The following BBS5 variants were observed in gnomAD, a reference collection of about 807,000 sequenced individuals.
BBS5 encodes the protein Bardet-Biedl syndrome 5, also known as BBSome complex member BBS5.
A neutral mutation model predicts 50.2 loss-of-function variants in BBS5; 39 were observed. The observed-to-expected ratio is 0.78, with a 90% CI of 0.60 to 1.01. BBS5 has a LOEUF of 1.01. BBS5 is among the 50% of genes least tolerant of loss of function. BBS5 has a pLI of 0.00. For missense variants in BBS5, 356 were observed against 401.5 expected (o/e 0.89, Z 0.97); for synonymous variants, 134 against 133.1 (o/e 1.01, Z -0.05).
rs772757329 is a variant in BBS5 at position 169,487,993 on chromosome 2, C to G, written c.265C>G (p.Arg89Gly). The change falls in exon 5 of 12, where the codon CGA (arginine) becomes GGA (glycine). Residue 89 changes from arginine (R) to glycine (G), a missense_variant. Physicochemically the swap from Arg to Gly is moderately radical, Grantham distance 125 (BLOSUM62 -2). Transcript: ENST00000295240. ...ITTRTANSKL[R>G]GQTEALYILT... ...AATAAATTTGTCCTTACAGAAATTA[C>G]GAGGCCAAACTGAAGCTCTCTATAT... 1.2e-6 allele frequency: 2 copies of G among 1,613,496 alleles called. No individual in the cohort carries two copies. The highest frequency in any genetic ancestry group is 2.2e-5 in the East Asian group (1 of 44,806).
At chr2:169,488,220 A>T in intron 5 of BBS5, 106 bp downstream of exon 5, 1 of 1,132,206 alleles carries the variant, frequency 8.8e-7, no homozygotes, top group Non-Finnish European at 1.3e-6. Flanking sequence ...TTCATGGAAG[A>T]CAGTTTTTCC....
chr2:169,487,960 A>G, intron 4 of BBS5, 27 bp from the exon 5 acceptor site: 1 of 1,612,746 alleles, frequency 6.2e-7, no homozygotes, highest in Non-Finnish European at 8.5e-7. Context: ...TTAAAATCTG[A>G]ACTTTTAAAT....
chr2:169,494,514 C>G (rs893962683), intron 7 of BBS5, among the ~76,000 whole-genome samples: 1 of 150,578 alleles, frequency 6.6e-6, no homozygotes, highest in African/African-American at 2.4e-5. Context: ...GTCAGGAGTT[C>G]GAGACCAGCA....
rs947557582 is a variant in BBS5, at chr2:169,503,174, T to C, written c.896T>C (p.Phe299Ser). ...GACTCTGATGGTCACACGGATGCTT[T>C]TGTGGTGAGCATCACAAAGGACAGC... Reference protein sequence around the residue: ...EIDSDGHTDAFVAYFADGNKQ... With the variant: ...EIDSDGHTDASVAYFADGNKQ... Residue 299 changes from phenylalanine to serine, a missense_variant, in exon 10 of 12, where the codon TTT becomes TCT. By Grantham distance (155) the Phe-to-Ser change is radical. Transcript: ENST00000295240. The C allele has an allele frequency of 3.1e-6, 5 of 1,610,426 alleles. No homozygotes were observed. The highest frequency in any genetic ancestry group is 1.1e-5 in the South Asian group (1 of 90,924).
intron 5 of BBS5, among the ~76,000 whole-genome samples, chr2:169,489,644 A>G (rs2105295770): frequency 6.7e-6 from 1 of 150,098 alleles, no homozygotes; most frequent in East Asian, 2.0e-4. Context: ...TTGTTTACTA[A>G]ATTCTTCTCT....
intron 7 of BBS5, among the ~76,000 whole-genome samples, chr2:169,495,728 T>G (rs1683679794): frequency 1.3e-5 from 2 of 152,326 alleles, no homozygotes; most frequent in South Asian, 2.1e-4. Context: ...TGGTCTTGGC[T>G]TACTGCAACT....
chr2:169,479,741 G>A, intron 1 of BBS5, 129 bp downstream of exon 1: 2 of 1,055,142 alleles, frequency 1.9e-6, no homozygotes, highest in Non-Finnish European at 2.9e-6. Context: ...GCTTGCGCCG[G>A]TCGTCCGCGC....
chr2:169,505,322 C>G lies in BBS5; in HGVS notation c.*740C>G. On this transcript the variant is annotated 3_prime_UTR_variant, in exon 12 of 12. Transcript: ENST00000295240. ...GCTCGCTACAACCTCCACCTCCCAG[C>G]TGCCTGCCTTGGCCTCCCGAAGTGC... 2.7e-6 allele frequency: 1 copy of G among 369,786 alleles called. No individual in the cohort carries two copies. Among genetic ancestry groups the G allele is most frequent in the Non-Finnish European group, 5.2e-6 (1 of 194,038 alleles). The allele number at this position is 369,786 out of a possible 1,614,324, so 22.9% of individuals were successfully genotyped here.
intron 2 of BBS5, among the ~76,000 whole-genome samples, chr2:169,482,905 C>A (rs574457112): frequency 7.2e-5 from 11 of 152,276 alleles, no homozygotes; most frequent in African/African-American, 2.2e-4. Context: ...AAGGTTGGAA[C>A]TTTTAAAAGT....
At position 169,490,706 on chromosome 2, in the gene BBS5, A is replaced by G. The variant is rs894795507; in HGVS notation, c.387-2168A>G. ...TTACGATTTTAAAGTATACAGTTCA[A>G]TAGTTTTAGTATATTCACAATACTG... On this transcript the variant is annotated intron_variant, in intron 5 of 11. Transcript: ENST00000295240. Among the ~76,000 whole-genome samples, 5 of 152,228 alleles carry G rather than the reference A, an allele frequency of 3.3e-5. No individual in the cohort carries two copies. In the South Asian group the frequency reaches 8.3e-4, roughly 25 times the overall value.
In BBS5 at chr2:169,505,206, C is replaced by T. The variant is rs985165400; in HGVS notation, c.*624C>T. 5.7e-6 allele frequency: 3 copies of T among 524,260 alleles called. No homozygotes were observed. In the African/African-American group the frequency reaches 5.8e-5, roughly 10 times the overall value. 32.5% of individuals were successfully genotyped at this position (524,260 alleles called of 1,614,324 possible). On this transcript the variant is annotated 3_prime_UTR_variant, in exon 12 of 12. Transcript: ENST00000295240. ...TCCTAACCGCGAGTGATCCGCCAGC[C>T]TCGGCCTCCCGAGGTGCCGGGATTG... is the stretch of plus-strand genomic sequence containing the variant.
rs748963554 is a variant in BBS5 at position 169,493,821 on chromosome 2, A to T, written c.603A>T (p.Ile201=). 1 of 1,597,166 alleles carries T rather than the reference A, an allele frequency of 6.3e-7. No homozygotes were observed. Among genetic ancestry groups the T allele is most frequent in the Non-Finnish European group, 8.6e-7 (1 of 1,164,834 alleles). Residue 201 remains isoleucine (I), a synonymous_variant, in exon 7 of 12, where the codon ATA becomes ATT. Coordinates refer to ENST00000295240, the MANE Select transcript of BBS5 (RefSeq NM_152384.3). ...ANMNDSFNVS[I]PYLQIRSIKI... ...TGAATGATAGTTTTAATGTCAGTAT[A>T]CCATATCTGCAAATTGTAAGTACAT...
chr2:169,496,526 G>C (rs1419435691), intron 7 of BBS5, among the ~76,000 whole-genome samples: 1 of 151,724 alleles, frequency 6.6e-6, no homozygotes, highest in African/African-American at 2.4e-5. Flanking sequence ...ACAAGGTCAG[G>C]AGATCCAGAC....
At chr2:169,488,664 G>A (rs572126607) in intron 5 of BBS5, among the ~76,000 whole-genome samples, 2 of 152,328 alleles carry the variant, frequency 1.3e-5, no homozygotes, top group African/African-American at 4.8e-5. Flanking sequence ...GCTTAGAAGT[G>A]TGGTACTGTC....
At chr2:169,504,410 A>AT in intron 11 of BBS5, 71 bp from the exon 12 acceptor site, 3 of 1,588,790 alleles carry the variant, frequency 1.9e-6, no homozygotes, top group East Asian at 2.2e-5. Flanking sequence ...TGTGAAACCT[A>AT]TTTTTTTGTT....
Position 169,500,538 on chromosome 2 carries a change from A to G in BBS5, c.816+918A>G, listed in dbSNP as rs368188131. Among the ~76,000 whole-genome samples the G allele has an allele frequency of 4.6e-5, 7 of 152,136 alleles. 1 individual carries two copies. The highest frequency in any genetic ancestry group is 6.5e-5 in the Admixed American group (1 of 15,282). ...TACTGGCACCCTCATTATGCACTCT[A>G]TTGTTGGTGCCCTTGCCGTTTACTT... On this transcript the variant is annotated intron_variant, in intron 9 of 11. Coordinates refer to ENST00000295240, the MANE Select transcript of BBS5 (RefSeq NM_152384.3).
At chr2:169,499,396 T>C (rs1683756459) in intron 8 of BBS5, 90 bp from the exon 9 acceptor site, 1 of 1,350,870 alleles carries the variant, frequency 7.4e-7, no homozygotes, top group African/African-American at 1.5e-5. Context: ...TGCTCTAAAA[T>C]AAGGACAAAT....
intron 7 of BBS5, among the ~76,000 whole-genome samples, chr2:169,494,620 G>A (rs1163558730): frequency 6.6e-6 from 1 of 151,664 alleles, no homozygotes; most frequent in African/African-American, 2.4e-5. Context: ...AGTTTGTTTT[G>A]GGAATAGGTA....
intron 5 of BBS5, among the ~76,000 whole-genome samples, chr2:169,488,534 T>C (rs1683527119): frequency 6.6e-6 from 1 of 152,228 alleles, no homozygotes; most frequent in African/African-American, 2.4e-5. Flanking sequence ...TCAGCTTTGC[T>C]TGCTCACTCA....
Sources: gnomAD v4.1 joint callset for allele counts (sites outside exome capture counted in the v4.1 genomes callset) on GRCh38, gnomAD v4.1.1 for gene constraint, MANE v1.5 for transcripts, NCBI Gene and HGNC (gene_info 2026-07-23, HGNC 2026-07-21) for gene names.